Variants in PARD3B observed in about 807,000 individuals in gnomAD.
PARD3B encodes par-3 family cell polarity regulator beta, also known as partitioning defective 3 homolog B.
A neutral mutation model predicts 130.2 loss-of-function variants in PARD3B; 103 were observed. That is an observed-to-expected ratio of 0.79 (90% CI 0.67 to 0.93). The LOEUF is 0.93. Among genes scored for constraint, PARD3B ranks in the 40% least tolerant of loss-of-function variants. The pLI, the probability that PARD3B is intolerant of heterozygous loss-of-function variation, is 0.00. For missense variants in PARD3B, 1,609 were observed against 1,499.2 expected, an observed-to-expected ratio of 1.07 and a Z score of -1.21; for synonymous variants, 583 against 553.2, an observed-to-expected ratio of 1.05 and a Z score of -0.76.
At chr2:204,825,952 C>G (rs182220615) in intron 2 of PARD3B, among the ~76,000 whole-genome samples, 2 of 152,266 alleles carry the variant, frequency 1.3e-5, no homozygotes, top group East Asian at 3.9e-4. Context: ...CTGAGATTGG[C>G]TGTGTGATGA....
Position 205,209,839 on chromosome 2 carries a change from G to T in PARD3B, c.2140+16519G>T, listed in dbSNP as rs1007014241. Among the ~76,000 whole-genome samples the T allele has an allele frequency of 4.2e-4, 64 of 151,962 alleles. 1 individual carries two copies. Among genetic ancestry groups the T allele is most frequent in the Non-Finnish European group, 7.4e-5 (5 of 67,966 alleles). On this transcript the variant is annotated intron_variant, in intron 15 of 22. Transcript: ENST00000406610. Reference sequence around the variant, plus strand: ...AATGAATGAATAAGGCCTAGTATTTGATAGTATGACAGAGTGACTATAGTC... The same window carrying T: ...AATGAATGAATAAGGCCTAGTATTTTATAGTATGACAGAGTGACTATAGTC...
At chr2:205,045,310 G>A (rs1211647288) in intron 3 of PARD3B, among the ~76,000 whole-genome samples, 1 of 151,066 alleles carries the variant, frequency 6.6e-6, no homozygotes, top group Non-Finnish European at 1.5e-5. Flanking sequence ...GTGCAGTGGC[G>A]CTATCTGGGC....
rs572403823 is a variant in PARD3B, at chr2:205,553,364, G to T, written c.3221G>T (p.Arg1074Leu). 6.2e-7 allele frequency: 1 copy of T among 1,614,026 alleles called. No individual in the cohort carries two copies. Residue 1074 changes from arginine (R) to leucine (L), a missense_variant, in exon 22 of 23, where the codon CGC becomes CTC. Coordinates refer to ENST00000406610, the MANE Select transcript of PARD3B (RefSeq NM_001302769.2). ...CCAGATGGGAATGCACACAACCTCCGCTTTGAAGGGATGGAGAGGCAGTAC... is the reference window on the plus strand; with the variant it reads ...CCAGATGGGAATGCACACAACCTCCTCTTTGAAGGGATGGAGAGGCAGTAC... ...RGPDGNAHNLRFEGMERQYAS... is the reference protein window; with the variant it reads ...RGPDGNAHNLLFEGMERQYAS...
chr2:204,793,235 A>C (rs1337110564), intron 2 of PARD3B, among the ~76,000 whole-genome samples: 1 of 152,026 alleles, frequency 6.6e-6, no homozygotes, highest in Non-Finnish European at 1.5e-5. Context: ...TATTTCATTT[A>C]TATTTTAGAG....
At chr2:204,611,916 T>A (rs1386668755) in intron 1 of PARD3B, among the ~76,000 whole-genome samples, 3 of 152,162 alleles carry the variant, frequency 2.0e-5, no homozygotes, top group Non-Finnish European at 4.4e-5. Context: ...ATGGTTAAGG[T>A]TGAGTCTGTT....
chr2:205,274,685 C>T lies in PARD3B; in HGVS notation c.2186-25845C>T, dbSNP rs2105811517. On this transcript the variant is annotated intron_variant, in intron 16 of 22. Transcript: ENST00000406610. The surrounding 1 kb of genome is among the most constrained non-coding windows in gnomAD (Gnocchi z 4.2). ...CAATTATCTACCTGAATATTTCTAT[C>T]TGAATATTAATTCTTCAGTTAGCAC... 6.6e-6 allele frequency among the ~76,000 whole-genome samples: 1 copy of T among 152,096 alleles called. No individual in the cohort carries two copies. Among genetic ancestry groups the T allele is most frequent in the South Asian group, 2.1e-4 (1 of 4,822 alleles).
chr2:205,393,779 A>C (rs760328026), intron 18 of PARD3B, among the ~76,000 whole-genome samples: 5 of 152,272 alleles, frequency 3.3e-5, no homozygotes, highest in Middle Eastern at 3.4e-3. Context: ...TTAAGAAGTG[A>C]ACTAAATGAG....
At chr2:205,141,603 T>C (rs1290000726) in intron 10 of PARD3B, among the ~76,000 whole-genome samples, 1 of 152,172 alleles carries the variant, frequency 6.6e-6, no homozygotes, top group African/African-American at 2.4e-5. Context: ...TTAGAAACAT[T>C]TGCAAGCTAT....
At position 205,121,255 on chromosome 2, in the gene PARD3B, T is replaced by C. The variant is rs1208559508; in HGVS notation, c.807-336T>C. ...GGTTAGATTTTCATCTTTAGAAACA[T>C]GTAAAAGCTGTGGGTCATTGGATAA... On this transcript the variant is annotated intron_variant, in intron 7 of 22. Coordinates refer to ENST00000406610, the MANE Select transcript of PARD3B (RefSeq NM_001302769.2). This position sits in a 1 kb window ranked among gnomAD's most constrained non-coding sequence, Gnocchi z 5.0. Among the ~76,000 whole-genome samples the C allele has an allele frequency of 1.3e-5, 2 of 152,214 alleles. No individual in the cohort carries two copies. The highest frequency in any genetic ancestry group is 4.8e-5 in the African/African-American group (2 of 41,464).
chr2:204,821,611 A>T (rs2043357784), intron 2 of PARD3B, among the ~76,000 whole-genome samples: 1 of 151,830 alleles, frequency 6.6e-6, no homozygotes, highest in South Asian at 2.1e-4. Context: ...AGTTAATGGG[A>T]GCAGCACACT....
intron 4 of PARD3B, among the ~76,000 whole-genome samples, chr2:205,076,713 C>T (rs981593251): frequency 2.6e-5 from 4 of 152,082 alleles, no homozygotes; most frequent in Non-Finnish European, 2.9e-5. Context: ...ACGCTCCTTA[C>T]GAGAATCTAA....
At chr2:204,798,434 C>G (rs956567324) in intron 2 of PARD3B, among the ~76,000 whole-genome samples, 27 of 152,148 alleles carry the variant, frequency 1.8e-4, no homozygotes, top group African/African-American at 6.3e-4. Context: ...CTCCGGGGTT[C>G]TAAATAAACT....
chr2:204,719,148 T>C (rs2038878717), intron 2 of PARD3B, among the ~76,000 whole-genome samples: 2 of 152,218 alleles, frequency 1.3e-5, no homozygotes, highest in Non-Finnish European at 2.9e-5. Context: ...AATATATGGC[T>C]TCATTTTGTT....
chr2:205,131,687 A>G (rs1028186931), intron 10 of PARD3B, among the ~76,000 whole-genome samples: 1 of 152,220 alleles, frequency 6.6e-6, no homozygotes, highest in African/African-American at 2.4e-5. Context: ...ATAAATTTCA[A>G]GATGCAGAGC....
At chr2:205,022,600 C>T (rs1187407029) in intron 3 of PARD3B, among the ~76,000 whole-genome samples, 1 of 151,940 alleles carries the variant, frequency 6.6e-6, no homozygotes, top group Non-Finnish European at 1.5e-5. Context: ...TTAGAATTGC[C>T]AAGGTAGATG....
Position 205,575,715 on chromosome 2 carries a change from T to G in PARD3B, c.3260+22312T>G, listed in dbSNP as rs1175604321. On this transcript the variant is annotated intron_variant, in intron 22 of 22. Transcript: ENST00000406610. The surrounding 1 kb of genome is among the most constrained non-coding windows in gnomAD (Gnocchi z 4.6). The stretch of plus-strand genomic sequence containing the variant: ...TTTTCATGGCTTGATAGCTCATTTC[T>G]TTCTAAGGCTGAATAATATTCCAGT... 2.0e-5 allele frequency among the ~76,000 whole-genome samples: 3 copies of G among 152,186 alleles called. No individual in the cohort carries two copies. The highest frequency in any genetic ancestry group is 4.4e-5 in the Non-Finnish European group (3 of 68,032).
intron 3 of PARD3B, among the ~76,000 whole-genome samples, chr2:204,978,595 A>G (rs966912435): frequency 2.6e-5 from 4 of 152,202 alleles, no homozygotes. Flanking sequence ...AGTAAAGCAC[A>G]TCAGCTTTCA....
At chr2:204,785,756 C>CT (rs1302735135) in intron 2 of PARD3B, among the ~76,000 whole-genome samples, 1 of 152,048 alleles carries the variant, frequency 6.6e-6, no homozygotes, top group African/African-American at 2.4e-5. Flanking sequence ...TTATTTTTAC[C>CT]TTTTTCCCCC....
chr2:205,413,144 A>T (rs1221721766), intron 19 of PARD3B, among the ~76,000 whole-genome samples: 1 of 152,154 alleles, frequency 6.6e-6, no homozygotes, highest in Non-Finnish European at 1.5e-5. Flanking sequence ...AAACTTTCTG[A>T]TCTTGATCAT....
Sources: allele counts gnomAD v4.1 joint callset (sites outside exome capture counted in the v4.1 genomes callset), GRCh38; gene constraint gnomAD v4.1.1; non-coding constraint Gnocchi (gnomAD v3.1); transcripts MANE v1.5; gene names NCBI Gene and HGNC (gene_info 2026-07-23, HGNC 2026-07-21).